Variants in AGAP1 observed in about 807,000 individuals in gnomAD.
AGAP1 encodes arf-GAP with GTPase, ANK repeat and PH domain-containing protein 1.
Under a neutral mutation model 105.3 loss-of-function variants are expected in AGAP1, and 29 were observed. That is an observed-to-expected ratio of 0.28 (90% CI 0.21 to 0.38). AGAP1 has a LOEUF of 0.38. Ranked by LOEUF, AGAP1 falls within the 10% of genes least tolerant of loss-of-function variation. The pLI is 1.00. For missense variants in AGAP1, 998 were observed against 1,165.1 expected, an observed-to-expected ratio of 0.86 and a Z score of 2.09; for synonymous variants, 509 against 485.9, an observed-to-expected ratio of 1.05 and a Z score of -0.63.
chr2:235,803,663 T>C (rs1215455929), intron 8 of AGAP1, among the ~76,000 whole-genome samples: 2 of 152,238 alleles, frequency 1.3e-5, no homozygotes, highest in Admixed American at 1.3e-4. Flanking sequence ...TACACTGTAA[T>C]GCACTGCTCT....
intron 1 of AGAP1, among the ~76,000 whole-genome samples, chr2:235,707,472 A>ACCCCCCCCCCCCCCCCCCC (rs1250772330): frequency 8.9e-5 from 2 of 22,408 alleles, no homozygotes; most frequent in Non-Finnish European, 2.7e-4. Context: ...CCTCCCCATG[A>ACCCCCCCCCCCCCCCCCCC]CCCCCCCCCC....
chr2:236,027,446 C>G lies in AGAP1; in HGVS notation c.1646-9115C>G, dbSNP rs1316824366. ...CAGGGCCTGAAAATCCAAAAGAAGA[C>G]ACAGGGTAGTCCTCCCGCCGGTGCC... On this transcript the variant is annotated intron_variant, in intron 13 of 17. Transcript: ENST00000304032. This position sits in a 1 kb window ranked among gnomAD's most constrained non-coding sequence, Gnocchi z 4.4. Among the ~76,000 whole-genome samples the G allele has an allele frequency of 6.6e-6, 1 of 152,104 alleles. No individual in the cohort carries two copies. Among genetic ancestry groups the G allele is most frequent in the African/African-American group, 2.4e-5 (1 of 41,428 alleles).
rs954670721 is a variant in AGAP1 at position 235,701,855 on chromosome 2, C to T, written c.164-7324C>T. Among the ~76,000 whole-genome samples the T allele has an allele frequency of 6.6e-6, 1 of 152,110 alleles. No individual in the cohort carries two copies. Among genetic ancestry groups the T allele is most frequent in the African/African-American group, 2.4e-5 (1 of 41,436 alleles). On this transcript the variant is annotated intron_variant, in intron 1 of 17. Transcript: ENST00000304032. This position sits in a 1 kb window ranked among gnomAD's most constrained non-coding sequence, Gnocchi z 4.1. ...CCACAGCCTCCTCCGATGCTCCTCT[C>T]CTCTGTGGATGTACCATCTTTCTTC... is the stretch of plus-strand genomic sequence containing the variant.
intron 15 of AGAP1, 110 bp from the exon 16 acceptor site, chr2:236,048,949 G>C (rs879851779): frequency 8.6e-6 from 9 of 1,048,816 alleles, no homozygotes; most frequent in Non-Finnish European, 1.1e-5. Flanking sequence ...CCATGGATGT[G>C]GTTCTGTCGT....
In AGAP1 at chr2:235,967,507, C is replaced by T. The variant is rs901721700; in HGVS notation, c.1484-955C>T. ...GAATGTTTATCTGTTTCTCCTCGAT[C>T]AATGATGGCTGCCAAGCATCTTGAA... On this transcript the variant is annotated intron_variant, in intron 12 of 17. Coordinates refer to ENST00000304032, the MANE Select transcript of AGAP1 (RefSeq NM_001037131.3). The surrounding 1 kb of genome is among the most constrained non-coding windows in gnomAD (Gnocchi z 4.7). Among the ~76,000 whole-genome samples the T allele has an allele frequency of 1.3e-5, 2 of 152,186 alleles. No homozygotes were observed. The highest frequency in any genetic ancestry group is 4.8e-5 in the African/African-American group (2 of 41,454).
In AGAP1 at chr2:236,032,189, C is replaced by T. The variant is rs2057244858; in HGVS notation, c.1646-4372C>T. On this transcript the variant is annotated intron_variant, in intron 13 of 17. Coordinates refer to ENST00000304032, the MANE Select transcript of AGAP1 (RefSeq NM_001037131.3). ...TTGCTTTCACAATTTGGTAAGCAGACTTTATATGTCTTTATCCAAGTCATT... is the reference window on the plus strand; with the variant it reads ...TTGCTTTCACAATTTGGTAAGCAGATTTTATATGTCTTTATCCAAGTCATT... Among the ~76,000 whole-genome samples, 2 of 152,188 alleles carry T rather than the reference C, an allele frequency of 1.3e-5. 1 individual carries two copies. Among genetic ancestry groups the T allele is most frequent in the South Asian group, 4.1e-4 (2 of 4,822 alleles).
chr2:235,795,130 G>A (rs1380555443), intron 6 of AGAP1, among the ~76,000 whole-genome samples: 2 of 152,072 alleles, frequency 1.3e-5, no homozygotes, highest in East Asian at 3.9e-4. Context: ...GAATGGAGGG[G>A]GGTTCCTCCA....
chr2:236,047,620 T>G (rs1376995495), intron 15 of AGAP1, among the ~76,000 whole-genome samples: 4 of 113,636 alleles, frequency 3.5e-5, no homozygotes, highest in Non-Finnish European at 7.3e-5. Context: ...TTTTTTTTTT[T>G]GAGGAGTCTC....
chr2:235,637,439 A>T (rs1366761085), intron 1 of AGAP1, among the ~76,000 whole-genome samples: 1 of 150,052 alleles, frequency 6.7e-6, no homozygotes, highest in Non-Finnish European at 1.5e-5. Flanking sequence ...TGCCTAGCTA[A>T]TTGTATTATT....
At chr2:235,667,463 AAAT>A (rs1948164037) in intron 1 of AGAP1, among the ~76,000 whole-genome samples, 1 of 152,170 alleles carries the variant, frequency 6.6e-6, no homozygotes, top group Admixed American at 6.5e-5. Flanking sequence ...GACAAAAAAA[AAAT>A]GAGCACAGGC....
chr2:236,116,611 A>G (rs902740625), intron 16 of AGAP1, among the ~76,000 whole-genome samples: 6 of 152,118 alleles, frequency 3.9e-5, no homozygotes, highest in Non-Finnish European at 5.9e-5. Context: ...GGCCTCCCAA[A>G]GTGCTGAGAT....
Position 236,040,868 on chromosome 2 carries a change from C to T in AGAP1, c.1891+27C>T. 1 of 1,612,742 alleles carries T rather than the reference C, an allele frequency of 6.2e-7. No homozygotes were observed. Among genetic ancestry groups the T allele is most frequent in the South Asian group, 1.1e-5 (1 of 91,034 alleles). On this transcript the variant is annotated intron_variant, in intron 15 of 17. Transcript: ENST00000304032. The surrounding 1 kb of genome is among the most constrained non-coding windows in gnomAD (Gnocchi z 5.6). ...TAAGTGTGTGCGGTGGTAGCAGGGG[C>T]TGGCGCTGTGTAGCTGGAGACCACA...
rs1021556859 is a variant in AGAP1 at position 236,123,323 on chromosome 2, C to T, written c.2371-596C>T. Among the ~76,000 whole-genome samples, 2 of 152,128 alleles carry T rather than the reference C, an allele frequency of 1.3e-5. No individual in the cohort carries two copies. The highest frequency in any genetic ancestry group is 4.8e-5 in the African/African-American group (2 of 41,420). On this transcript the variant is annotated intron_variant, in intron 17 of 17. Coordinates refer to ENST00000304032, the MANE Select transcript of AGAP1 (RefSeq NM_001037131.3). This position sits in a 1 kb window ranked among gnomAD's most constrained non-coding sequence, Gnocchi z 4.6. ...CTTGAACTCCTGGGCTGAAGTGAACCACCGCACCCAGCTTGTGTTGTGCTT... is the reference window on the plus strand; with the variant it reads ...CTTGAACTCCTGGGCTGAAGTGAACTACCGCACCCAGCTTGTGTTGTGCTT...
At chr2:235,730,109 A>G (rs1951860099) in intron 3 of AGAP1, among the ~76,000 whole-genome samples, 1 of 152,158 alleles carries the variant, frequency 6.6e-6, no homozygotes, top group Non-Finnish European at 1.5e-5. Flanking sequence ...GTGGACAAAC[A>G]GCTCATAAGC....
Position 235,552,612 on chromosome 2 carries a change from G to A in AGAP1, c.163+57763G>A, listed in dbSNP as rs1056467515. On this transcript the variant is annotated intron_variant, in intron 1 of 17. Coordinates refer to ENST00000304032, the MANE Select transcript of AGAP1 (RefSeq NM_001037131.3). This position sits in a 1 kb window ranked among gnomAD's most constrained non-coding sequence, Gnocchi z 5.9. ...CCCATTGGCCAGGCACTGGGGATGC[G>A]GCGTATGGGCAGGTGCACACACACC... Among the ~76,000 whole-genome samples the A allele has an allele frequency of 1.3e-5, 2 of 152,186 alleles. No homozygotes were observed. Among genetic ancestry groups the A allele is most frequent in the Admixed American group, 6.5e-5 (1 of 15,274 alleles).
In AGAP1 at chr2:235,557,273, T is replaced by C. The variant is rs1185445841; in HGVS notation, c.163+62424T>C. Among the ~76,000 whole-genome samples, 1 of 152,112 alleles carries C rather than the reference T, an allele frequency of 6.6e-6. No homozygotes were observed. Among genetic ancestry groups the C allele is most frequent in the African/African-American group, 2.4e-5 (1 of 41,420 alleles). ...TGAGCTGGGCTGGCCATGGGGATGC[T>C]CAGAGCCCGGCTCTTTCATGGGATC... On this transcript the variant is annotated intron_variant, in intron 1 of 17. Transcript: ENST00000304032. The surrounding 1 kb of genome is among the most constrained non-coding windows in gnomAD (Gnocchi z 4.7).
At chr2:235,755,177 G>T (rs113194632) in intron 6 of AGAP1, among the ~76,000 whole-genome samples, 1 of 152,176 alleles carries the variant, frequency 6.6e-6, no homozygotes, top group Non-Finnish European at 1.5e-5. Flanking sequence ...CAGGGCTCTC[G>T]TTCCTAGATT....
At position 235,682,307 on chromosome 2, in the gene AGAP1, C is replaced by T. The variant is rs142364403; in HGVS notation, c.164-26872C>T. On this transcript the variant is annotated intron_variant, in intron 1 of 17. Transcript: ENST00000304032. ...ACTAGCTTGGTGGCCAAGAATGAGGCGTCTGGAACCAGGATCCTGTTTTGT... is the reference window on the plus strand; with the variant it reads ...ACTAGCTTGGTGGCCAAGAATGAGGTGTCTGGAACCAGGATCCTGTTTTGT... Among the ~76,000 whole-genome samples, 783 of 152,002 alleles carry T rather than the reference C, an allele frequency of 5.2e-3. 8 individuals carry two copies. The highest frequency in any genetic ancestry group is 0.018 in the African/African-American group (730 of 41,460).
rs1002918362 is a variant in AGAP1, at chr2:236,095,514, A to G, written c.2115-24678A>G. On this transcript the variant is annotated intron_variant, in intron 16 of 17. Transcript: ENST00000304032. The surrounding 1 kb of genome is among the most constrained non-coding windows in gnomAD (Gnocchi z 4.1). The stretch of plus-strand genomic sequence containing the variant: ...GGCAACATAGTGAGATGCCATCTCT[A>G]TAAAATAAAAAAAGATTAAAAAATA... Among the ~76,000 whole-genome samples the G allele has an allele frequency of 6.6e-6, 1 of 152,216 alleles. No homozygotes were observed. The highest frequency in any genetic ancestry group is 1.5e-5 in the Non-Finnish European group (1 of 68,036).
Sources: gnomAD v4.1 joint callset for allele counts (sites outside exome capture counted in the v4.1 genomes callset) on GRCh38, gnomAD v4.1.1 for gene constraint, Gnocchi (gnomAD v3.1) non-coding constraint, MANE v1.5 for transcripts, NCBI Gene and HGNC (gene_info 2026-07-23, HGNC 2026-07-21) for gene names.